The following OR1G1 variants were observed in gnomAD, a reference collection of about 807,000 sequenced individuals.
OR1G1 encodes olfactory receptor family 1 subfamily G member 1, also known as olfactory receptor 1G1.
For synonymous variants in OR1G1, 145 were observed against 149.6 expected (o/e 0.97, Z 0.22); for missense variants, 347 against 375.5 (o/e 0.92, Z 0.63).
Position 3,127,119 on chromosome 17 carries a change from C to T in OR1G1, c.433G>A (p.Val145Met), listed in dbSNP as rs144637093. The T allele has an allele frequency of 1.9e-4, 303 of 1,613,904 alleles. No individual in the cohort carries two copies. The African/African-American group carries it at 2.4e-3, about 13-fold the overall frequency. The change falls in exon 1 of 1, where the codon GTG becomes ATG. Residue 145 changes from valine to methionine, a missense_variant. Val to Met is a conservative substitution (Grantham distance 21). Coordinates refer to ENST00000328890, the MANE Select transcript of OR1G1 (RefSeq NM_003555.1). ...IMSPGLCIFLVSASWIMNALH... is the reference protein window; with the variant it reads ...IMSPGLCIFLMSASWIMNALH... Reference sequence around the variant, plus strand: ...GCATTCATGATCCAGGATGCAGACACGAGGAAGATGCAGAGCCCAGGGCTC... The same window carrying T: ...GCATTCATGATCCAGGATGCAGACATGAGGAAGATGCAGAGCCCAGGGCTC...
chr17:3,126,991 C>T lies in OR1G1; in HGVS notation c.561G>A (p.Leu187=), dbSNP rs2048000472. Residue 187 remains leucine (L), a synonymous_variant, in exon 1 of 1, where the codon CTG becomes CTA. Coordinates refer to ENST00000328890, the MANE Select transcript of OR1G1 (RefSeq NM_003555.1). The part of the protein sequence containing the change: ...FFCDINPLLS[L]SCTDPFTNEL... Reference sequence around the variant, plus strand: ...CATTGGTGAAGGGGTCTGTGCAGGACAGACTCAGGAGGGGATTGATGTCAC... The same window carrying T: ...CATTGGTGAAGGGGTCTGTGCAGGATAGACTCAGGAGGGGATTGATGTCAC... 6.2e-7 allele frequency: 1 copy of T among 1,614,150 alleles called. No individual in the cohort carries two copies. The highest frequency in any genetic ancestry group is 2.2e-5 in the East Asian group (1 of 44,874).
chr17:3,126,793 C>A lies in OR1G1; in HGVS notation c.759G>T (p.Gly253=), dbSNP rs139685730. 8.6e-5 allele frequency: 138 copies of A among 1,613,754 alleles called. No homozygotes were observed. The African/African-American group carries it at 1.7e-3, about 20-fold the overall frequency. Residue 253 remains glycine, a synonymous_variant, in exon 1 of 1, where the codon GGG becomes GGT. Coordinates refer to ENST00000328890, the MANE Select transcript of OR1G1 (RefSeq NM_003555.1). The part of the protein sequence containing the change: ...SHLSVVSLFF[G]TSFCVDFSSP... ...AACTGAAATCAACACAAAAAGAAGT[C>A]CCAAAGAAGAGAGAGACCACGGAGA...
chr17:3,126,741 C>T lies in OR1G1; in HGVS notation c.811G>A (p.Asp271Asn). Reference protein sequence around the residue: ...SSPSTHSAQKDTVASVMYTVV... With the variant: ...SSPSTHSAQKNTVASVMYTVV... ...GTGTACATCACTGATGCAACTGTGTCCTTCTGGGCCGAGTGGGTTGAGGGA... is the reference window on the plus strand; with the variant it reads ...GTGTACATCACTGATGCAACTGTGTTCTTCTGGGCCGAGTGGGTTGAGGGA... Residue 271 changes from aspartate to asparagine, a missense_variant, in exon 1 of 1, where the codon GAC becomes AAC. Asp to Asn is a conservative substitution (Grantham distance 23, BLOSUM62 1). Transcript: ENST00000328890. 1 of 1,614,122 alleles carries T rather than the reference C, an allele frequency of 6.2e-7. No individual in the cohort carries two copies. The highest frequency in any genetic ancestry group is 1.3e-5 in the African/African-American group (1 of 75,028).
At position 3,127,012 on chromosome 17, in the gene OR1G1, G is replaced by A. The variant is rs775464921; in HGVS notation, c.540C>T (p.Asp180=). ...AGGACAGACTCAGGAGGGGATTGAT[G>A]TCACAGAAGAAGTGTGGGATCTCAT... The part of the protein sequence containing the change: ...ANHEIPHFFC[D]INPLLSLSCT... The change falls in exon 1 of 1, where the codon GAC becomes GAT. Residue 180 remains aspartate, a synonymous_variant. Coordinates refer to ENST00000328890, the MANE Select transcript of OR1G1 (RefSeq NM_003555.1). 4 of 1,614,198 alleles carry A rather than the reference G, an allele frequency of 2.5e-6. No homozygotes were observed. In the Admixed American group the frequency reaches 6.7e-5, roughly 27 times the overall value.
chr17:3,127,371 A>G lies in OR1G1; in HGVS notation c.181T>C (p.Phe61Leu). 6.2e-7 allele frequency: 1 copy of G among 1,614,164 alleles called. No homozygotes were observed. The highest frequency in any genetic ancestry group is 1.7e-5 in the Admixed American group (1 of 60,024). ...GCAAGGGAGAGGTTGGCTAGAAAGAAGTACATGGGGGTATGGAGTTGAGTG... is the reference window on the plus strand; with the variant it reads ...GCAAGGGAGAGGTTGGCTAGAAAGAGGTACATGGGGGTATGGAGTTGAGTG... ...TDTQLHTPMY[F>L]FLANLSLADA... is the part of the protein sequence containing the mutation. The change falls in exon 1 of 1, where the codon TTC (phenylalanine) becomes CTC (leucine). Residue 61 changes from phenylalanine to leucine, a missense_variant. Coordinates refer to ENST00000328890, the MANE Select transcript of OR1G1 (RefSeq NM_003555.1).
At position 3,126,832 on chromosome 17, in the gene OR1G1, G is replaced by C. The variant is rs2047999354; in HGVS notation, c.720C>G (p.Thr240=). The C allele has an allele frequency of 6.2e-7, 1 of 1,614,012 alleles. No homozygotes were observed. The highest frequency in any genetic ancestry group is 1.1e-5 in the South Asian group (1 of 91,076). ...AGACCACGGAGAGATGAGAGCTGCA[G>C]GTGGAAAAGGCTTTCCGCTTCCCCT... ...SAQGKRKAFS[T]CSSHLSVVSL... Residue 240 remains threonine, a synonymous_variant, in exon 1 of 1, where the codon ACC becomes ACG. Coordinates refer to ENST00000328890, the MANE Select transcript of OR1G1 (RefSeq NM_003555.1).
Position 3,127,185 on chromosome 17 carries a change from A to G in OR1G1, c.367T>C (p.Tyr123His), listed in dbSNP as rs768678386. ...TGAAGTGGGTGGCATATGGCCACGT[A>G]GCAGTCATAGGCCATGACCGCCAAG... ...FLLAVMAYDCYVAICHPLHYI... is the reference protein window; with the variant it reads ...FLLAVMAYDCHVAICHPLHYI... Residue 123 changes from tyrosine to histidine, a missense_variant, in exon 1 of 1, where the codon TAC becomes CAC. Physicochemically the swap from Tyr to His is moderately conservative, Grantham distance 83 (BLOSUM62 2). Coordinates refer to ENST00000328890, the MANE Select transcript of OR1G1 (RefSeq NM_003555.1). The G allele has an allele frequency of 6.2e-7, 1 of 1,614,244 alleles. No homozygotes were observed. Among genetic ancestry groups the G allele is most frequent in the Non-Finnish European group, 8.5e-7 (1 of 1,180,044 alleles).
At position 3,126,937 on chromosome 17, in the gene OR1G1, G is replaced by A. The variant is rs764378855; in HGVS notation, c.615C>T (p.Leu205=). ...GGCAAAGCACACAAATGAGTCCTGT[G>A]AGACCCCCAGTGATGAAGATCACCA... The part of the protein sequence containing the change: ...NELVIFITGG[L]TGLICVLCLI... The change falls in exon 1 of 1, where the codon CTC becomes CTT. Residue 205 remains leucine, a synonymous_variant. Coordinates refer to ENST00000328890, the MANE Select transcript of OR1G1 (RefSeq NM_003555.1). The A allele has an allele frequency of 3.1e-6, 5 of 1,614,066 alleles. No individual in the cohort carries two copies. Among genetic ancestry groups the A allele is most frequent in the Admixed American group, 1.7e-5 (1 of 60,008 alleles).
chr17:3,127,296 G>C lies in OR1G1; in HGVS notation c.256C>G (p.Gln86Glu). Residue 86 changes from glutamine (Q) to glutamate (E), a missense_variant, in exon 1 of 1, where the codon CAG becomes GAG. Transcript: ENST00000328890. Reference protein sequence around the residue: ...TTVPKMLANIQIQSQAISYSG... With the variant: ...TTVPKMLANIEIQSQAISYSG... Reference sequence around the variant, plus strand: ...TAGGAGATGGCCTGACTCTGGATCTGTATGTTTGCCAGCATCTTAGGGACT... The same window carrying C: ...TAGGAGATGGCCTGACTCTGGATCTCTATGTTTGCCAGCATCTTAGGGACT... The C allele has an allele frequency of 6.2e-7, 1 of 1,614,192 alleles. No homozygotes were observed. Among genetic ancestry groups the C allele is most frequent in the Non-Finnish European group, 8.5e-7 (1 of 1,180,040 alleles).
At position 3,126,940 on chromosome 17, in the gene OR1G1, A is replaced by ACCC. The variant is rs750504016; in HGVS notation, c.609_611dup (p.Gly204dup). 1 of 1,614,058 alleles carries ACCC rather than the reference A, an allele frequency of 6.2e-7. No individual in the cohort carries two copies. Among genetic ancestry groups the ACCC allele is most frequent in the Admixed American group, 1.7e-5 (1 of 60,000 alleles). ...AAAGCACACAAATGAGTCCTGTGAG[A>ACCC]CCCCCAGTGATGAAGATCACCAGCT... On this transcript the variant is annotated inframe_insertion, in exon 1 of 1. Coordinates refer to ENST00000328890, the MANE Select transcript of OR1G1 (RefSeq NM_003555.1).
chr17:3,126,725 A>G lies in OR1G1; in HGVS notation c.827T>C (p.Val276Ala). The G allele has an allele frequency of 6.2e-7, 1 of 1,614,130 alleles. No individual in the cohort carries two copies. The highest frequency in any genetic ancestry group is 1.1e-5 in the South Asian group (1 of 91,082). Residue 276 changes from valine (V) to alanine (A), a missense_variant, in exon 1 of 1, where the codon GTG becomes GCG. Physicochemically the swap from Val to Ala is moderately conservative, Grantham distance 64 (BLOSUM62 0). Coordinates refer to ENST00000328890, the MANE Select transcript of OR1G1 (RefSeq NM_003555.1). ...CATTGGAGTTACCACTGTGTACATC[A>G]CTGATGCAACTGTGTCCTTCTGGGC... ...HSAQKDTVAS[V>A]MYTVVTPMLN...
In OR1G1 at chr17:3,127,328, G is replaced by C; in HGVS notation, c.224C>G (p.Ser75Cys). The change falls in exon 1 of 1, where the codon TCC becomes TGC. Residue 75 changes from serine to cysteine, a missense_variant. Ser to Cys is a moderately radical substitution (Grantham distance 112). Coordinates refer to ENST00000328890, the MANE Select transcript of OR1G1 (RefSeq NM_003555.1). Reference sequence around the variant, plus strand: ...TGCCAGCATCTTAGGGACTGTGGTGGACACAAAGCAGGCATCTGCAAGGGA... The same window carrying C: ...TGCCAGCATCTTAGGGACTGTGGTGCACACAAAGCAGGCATCTGCAAGGGA... The part of the protein sequence containing the change: ...NLSLADACFV[S>C]TTVPKMLANI... The C allele has an allele frequency of 6.2e-7, 1 of 1,614,198 alleles. No homozygotes were observed. Among genetic ancestry groups the C allele is most frequent in the Non-Finnish European group, 8.5e-7 (1 of 1,180,032 alleles).
chr17:3,127,399 A>G lies in OR1G1; in HGVS notation c.153T>C (p.Thr51=). The G allele has an allele frequency of 1.9e-6, 3 of 1,614,140 alleles. No homozygotes were observed. The highest frequency in any genetic ancestry group is 2.5e-6 in the Non-Finnish European group (3 of 1,180,016). Residue 51 remains threonine, a synonymous_variant, in exon 1 of 1, where the codon ACT becomes ACC. Transcript: ENST00000328890. The part of the protein sequence containing the change: ...GNLLIILVII[T]DTQLHTPMYF... Reference sequence around the variant, plus strand: ...ACATGGGGGTATGGAGTTGAGTGTCAGTAATGATGACTAGAATGATGAGGA... The same window carrying G: ...ACATGGGGGTATGGAGTTGAGTGTCGGTAATGATGACTAGAATGATGAGGA...
rs775590851 is a variant in OR1G1 at position 3,127,365 on chromosome 17, G to C, written c.187C>G (p.Leu63Val). 4 of 1,614,182 alleles carry C rather than the reference G, an allele frequency of 2.5e-6. No homozygotes were observed. The highest frequency in any genetic ancestry group is 3.4e-6 in the Non-Finnish European group (4 of 1,180,034). Reference sequence around the variant, plus strand: ...GCATCTGCAAGGGAGAGGTTGGCTAGAAAGAAGTACATGGGGGTATGGAGT... The same window carrying C: ...GCATCTGCAAGGGAGAGGTTGGCTACAAAGAAGTACATGGGGGTATGGAGT... ...TQLHTPMYFFLANLSLADACF... is the reference protein window; with the variant it reads ...TQLHTPMYFFVANLSLADACF... Residue 63 changes from leucine (L) to valine (V), a missense_variant, in exon 1 of 1, where the codon CTA becomes GTA. Transcript: ENST00000328890.
chr17:3,126,703 T>C lies in OR1G1; in HGVS notation c.849A>G (p.Pro283=). ...AACTGTAGATAAAGGGATTCAACATTGGAGTTACCACTGTGTACATCACTG... is the reference window on the plus strand; with the variant it reads ...AACTGTAGATAAAGGGATTCAACATCGGAGTTACCACTGTGTACATCACTG... ...VASVMYTVVT[P]MLNPFIYSLR... is the part of the protein sequence containing the mutation. Residue 283 remains proline, a synonymous_variant, in exon 1 of 1, where the codon CCA becomes CCG. Coordinates refer to ENST00000328890, the MANE Select transcript of OR1G1 (RefSeq NM_003555.1). 2 of 1,613,494 alleles carry C rather than the reference T, an allele frequency of 1.2e-6. No homozygotes were observed. Among genetic ancestry groups the C allele is most frequent in the Non-Finnish European group, 1.7e-6 (2 of 1,179,806 alleles).
At position 3,126,777 on chromosome 17, in the gene OR1G1, C is replaced by A. The variant is rs1427189401; in HGVS notation, c.775G>T (p.Asp259Tyr). 11 of 1,613,866 alleles carry A rather than the reference C, an allele frequency of 6.8e-6. No individual in the cohort carries two copies. The highest frequency in any genetic ancestry group is 9.3e-6 in the Non-Finnish European group (11 of 1,179,924). The change falls in exon 1 of 1, where the codon GAT (aspartate) becomes TAT (tyrosine). Residue 259 changes from aspartate (D) to tyrosine (Y), a missense_variant. By Grantham distance (160) the Asp-to-Tyr change is radical. Transcript: ENST00000328890. ...GAGTGGGTTGAGGGAGAACTGAAAT[C>A]AACACAAAAAGAAGTCCCAAAGAAG... ...SLFFGTSFCV[D>Y]FSSPSTHSAQ...
Position 3,126,742 on chromosome 17 carries a change from C to T in OR1G1, c.810G>A (p.Lys270=), listed in dbSNP as rs558229749. 5 of 1,614,134 alleles carry T rather than the reference C, an allele frequency of 3.1e-6. No individual in the cohort carries two copies. The highest frequency in any genetic ancestry group is 3.3e-5 in the Admixed American group (2 of 60,026). The part of the protein sequence containing the change: ...FSSPSTHSAQ[K]DTVASVMYTV... ...TGTACATCACTGATGCAACTGTGTC[C>T]TTCTGGGCCGAGTGGGTTGAGGGAG... The change falls in exon 1 of 1, where the codon AAG becomes AAA. Residue 270 remains lysine (K), a synonymous_variant. Transcript: ENST00000328890.
Position 3,126,957 on chromosome 17 carries a change from T to C in OR1G1, c.595A>G (p.Ile199Val). 6.2e-7 allele frequency: 1 copy of C among 1,614,056 alleles called. No homozygotes were observed. Among genetic ancestry groups the C allele is most frequent in the Admixed American group, 1.7e-5 (1 of 60,014 alleles). The change falls in exon 1 of 1, where the codon ATC (isoleucine) becomes GTC (valine). Residue 199 changes from isoleucine (I) to valine (V), a missense_variant. Coordinates refer to ENST00000328890, the MANE Select transcript of OR1G1 (RefSeq NM_003555.1). ...CTDPFTNELV[I>V]FITGGLTGLI... Reference sequence around the variant, plus strand: ...CCTGTGAGACCCCCAGTGATGAAGATCACCAGCTCATTGGTGAAGGGGTCT... The same window carrying C: ...CCTGTGAGACCCCCAGTGATGAAGACCACCAGCTCATTGGTGAAGGGGTCT...
At position 3,126,804 on chromosome 17, in the gene OR1G1, G is replaced by C. The variant is rs780134600; in HGVS notation, c.748C>G (p.Leu250Val). 6.2e-7 allele frequency: 1 copy of C among 1,613,834 alleles called. No homozygotes were observed. The highest frequency in any genetic ancestry group is 8.5e-7 in the Non-Finnish European group (1 of 1,179,946). The change falls in exon 1 of 1, where the codon CTC becomes GTC. Residue 250 changes from leucine (L) to valine (V), a missense_variant. Leu to Val is a conservative substitution (Grantham distance 32). Coordinates refer to ENST00000328890, the MANE Select transcript of OR1G1 (RefSeq NM_003555.1). ...TCSSHLSVVS[L>V]FFGTSFCVDF... ...ACACAAAAAGAAGTCCCAAAGAAGA[G>C]AGAGACCACGGAGAGATGAGAGCTG... is the stretch of plus-strand genomic sequence containing the variant.
Sources: allele counts gnomAD v4.1 joint callset, GRCh38; gene constraint gnomAD v4.1.1; transcripts MANE v1.5; gene names NCBI Gene and HGNC (gene_info 2026-07-23, HGNC 2026-07-21).